DLEU7: variants seen among roughly 807,000 people sequenced by gnomAD.
The protein encoded by DLEU7 is leukemia-associated protein 7.
DLEU7 carries 17 observed loss-of-function variants against 16.0 expected under a neutral mutation model. The observed-to-expected ratio is 1.06, with a 90% CI of 0.73 to 1.59. The LOEUF is 1.59. DLEU7 is among the 40% of genes most tolerant of loss of function. The pLI is 0.00. For missense variants in DLEU7, 308 were observed against 314.9 expected (o/e 0.98, Z 0.17); for synonymous variants, 113 against 139.8 (o/e 0.81, Z 1.35).
At chr13:50,748,957 GT>G (rs1432917913) in intron 1 of DLEU7, among the ~76,000 whole-genome samples, 6 of 151,896 alleles carry the variant, frequency 4.0e-5, no homozygotes, top group Non-Finnish European at 8.8e-5. Flanking sequence ...AAGTTCTTTA[GT>G]GGTGATTTGT....
At chr13:50,798,205 T>A (rs938758407) in intron 1 of DLEU7, among the ~76,000 whole-genome samples, 3 of 152,164 alleles carry the variant, frequency 2.0e-5, no homozygotes, top group Non-Finnish European at 4.4e-5. Context: ...ACTAAGGAAG[T>A]CATTGAAAGT....
chr13:50,831,176 G>A (rs1360756369), intron 1 of DLEU7, among the ~76,000 whole-genome samples: 1 of 151,794 alleles, frequency 6.6e-6, no homozygotes, highest in Non-Finnish European at 1.5e-5. Flanking sequence ...AAAGAAAAGA[G>A]AAAAGAAAAA....
chr13:50,808,730 C>G (rs184342651), intron 1 of DLEU7: 3 of 152,156 alleles, frequency 2.0e-5, no homozygotes. Context: ...GAAAGGATGA[C>G]TGATTTATAA....
At chr13:50,814,103 G>A (rs1351011945) in intron 1 of DLEU7, among the ~76,000 whole-genome samples, 4 of 152,050 alleles carry the variant, frequency 2.6e-5, no homozygotes, top group African/African-American at 9.7e-5. Flanking sequence ...CAACTTCATG[G>A]CATTATTCAG....
intron 1 of DLEU7, among the ~76,000 whole-genome samples, chr13:50,824,220 T>C (rs1877011571): frequency 6.6e-6 from 1 of 152,178 alleles, no homozygotes. Flanking sequence ...AGTTCCCAGG[T>C]AGTTTAAAAG....
At chr13:50,735,620 A>C (rs1874046331) in intron 1 of DLEU7, among the ~76,000 whole-genome samples, 1 of 152,052 alleles carries the variant, frequency 6.6e-6, no homozygotes, top group Admixed American at 6.6e-5. Flanking sequence ...CATCTAACAA[A>C]ATCTAATATC....
chr13:50,718,095 T>C (rs2476619), intron 1 of DLEU7, among the ~76,000 whole-genome samples: 19,355 of 152,172 alleles, frequency 0.13, 2,130 homozygotes, highest in African/African-American at 0.3. Flanking sequence ...TTACAAGATC[T>C]GCAAGTGATT....
intron 1 of DLEU7, chr13:50,812,916 G>T (rs1023131728): frequency 7.9e-5 from 12 of 151,572 alleles, no homozygotes; most frequent in African/African-American, 2.7e-4. Context: ...TCTGCTTAAG[G>T]TTTGATTTGA....
In DLEU7 at chr13:50,798,992, C is replaced by T. The variant is rs549520855; in HGVS notation, c.459+44196G>A. Among the ~76,000 whole-genome samples, 13 of 152,300 alleles carry T rather than the reference C, an allele frequency of 8.5e-5. No individual in the cohort carries two copies. In the South Asian group the frequency reaches 2.7e-3, roughly 32 times the overall value. On this transcript the variant is annotated intron_variant, in intron 1 of 1. Transcript: ENST00000400393. ...CAAGCTGGAGAAGCTTTATCTTTCTCCTGGAAGTGAGGATCTTTGCTCCGA... is the reference window on the plus strand; with the variant it reads ...CAAGCTGGAGAAGCTTTATCTTTCTTCTGGAAGTGAGGATCTTTGCTCCGA...
At chr13:50,728,959 A>G (rs1416224204) in intron 1 of DLEU7, among the ~76,000 whole-genome samples, 3 of 152,124 alleles carry the variant, frequency 2.0e-5, no homozygotes, top group Non-Finnish European at 4.4e-5. Context: ...AATGACACCC[A>G]CACCTGCACA....
chr13:50,771,640 G>A (rs1400091103), intron 1 of DLEU7, among the ~76,000 whole-genome samples: 1 of 152,100 alleles, frequency 6.6e-6, no homozygotes, highest in African/African-American at 2.4e-5. Flanking sequence ...AGTTTGTTGT[G>A]ATTTCTATTC....
intron 1 of DLEU7, among the ~76,000 whole-genome samples, chr13:50,768,338 A>G (rs1219401889): frequency 1.3e-5 from 2 of 151,734 alleles, no homozygotes; most frequent in Admixed American, 1.3e-4. Context: ...CACAATGTGC[A>G]GGTTTGTTAC....
downstream of DLEU7, among the ~76,000 whole-genome samples, chr13:50,821,390 T>G (rs1876898931): frequency 6.6e-6 from 1 of 152,040 alleles, no homozygotes. Flanking sequence ...TCATAGAACT[T>G]TAAGAACTGT....
intron 1 of DLEU7, among the ~76,000 whole-genome samples, chr13:50,842,447 C>G (rs931193638): frequency 1.3e-5 from 2 of 152,148 alleles, no homozygotes; most frequent in Admixed American, 1.3e-4. Context: ...GGACTGAAAC[C>G]CAGACCCCCA....
At chr13:50,840,047 C>T (rs1422772034) in intron 1 of DLEU7, 1 of 152,192 alleles carries the variant, frequency 6.6e-6, no homozygotes, top group Non-Finnish European at 1.5e-5. Flanking sequence ...TGCCTGTCAT[C>T]TGCGCCATGG....
chr13:50,757,777 C>T (rs1874806929), intron 1 of DLEU7, among the ~76,000 whole-genome samples: 1 of 152,140 alleles, frequency 6.6e-6, no homozygotes, highest in African/African-American at 2.4e-5. Context: ...ATCCACAGCT[C>T]TTCAAATAAG....
chr13:50,814,786 G>GTGTGTGTGTGT (rs1432584348), intron 1 of DLEU7, among the ~76,000 whole-genome samples: 1 of 149,756 alleles, frequency 6.7e-6, no homozygotes, highest in African/African-American at 2.4e-5. Flanking sequence ...GTGTGTGTGT[G>GTGTGTGTGTGT]TAGTTCTATG....
At chr13:50,832,188 C>T (rs1593415180) in intron 1 of DLEU7, among the ~76,000 whole-genome samples, 4 of 152,004 alleles carry the variant, frequency 2.6e-5, no homozygotes. Flanking sequence ...TTCAGGGATT[C>T]GACTTCTTCA....
intron 1 of DLEU7, among the ~76,000 whole-genome samples, chr13:50,791,341 C>T (rs951580028): frequency 2.0e-5 from 3 of 152,150 alleles, no homozygotes; most frequent in African/African-American, 4.8e-5. Context: ...GCTTCATGCC[C>T]CTGACAGGAG....
Sources: allele counts gnomAD v4.1 joint callset (sites outside exome capture counted in the v4.1 genomes callset), GRCh38; gene constraint gnomAD v4.1.1; transcripts MANE v1.5; gene names NCBI Gene and HGNC (gene_info 2026-07-23, HGNC 2026-07-21).